Variants in SLC25A21 observed in about 807,000 individuals in gnomAD.
SLC25A21 encodes the protein mitochondrial 2-oxodicarboxylate carrier.
Under a neutral mutation model 43.8 loss-of-function variants are expected in SLC25A21, and 47 were observed. The ratio of observed to expected loss-of-function variants is 1.07; its 90% confidence interval spans 0.85 to 1.37. SLC25A21 has a LOEUF of 1.37. Among genes scored for constraint, SLC25A21 ranks in the 40% most tolerant of loss-of-function variants. The pLI is 0.00. For missense variants in SLC25A21, 352 were observed against 350.2 expected, an observed-to-expected ratio of 1.00 and a Z score of -0.04; for synonymous variants, 131 against 121.3, an observed-to-expected ratio of 1.08 and a Z score of -0.52.
chr14:36,832,718 T>C (rs966312492), intron 2 of SLC25A21, among the ~76,000 whole-genome samples: 4 of 152,222 alleles, frequency 2.6e-5, no homozygotes, highest in Non-Finnish European at 5.9e-5. Flanking sequence ...TTATTGCCTG[T>C]TTGCAGCTTT....
At chr14:36,789,878 A>G (rs1171108170) in intron 3 of SLC25A21, among the ~76,000 whole-genome samples, 1 of 115,122 alleles carries the variant, frequency 8.7e-6, no homozygotes, top group Non-Finnish European at 1.7e-5. Flanking sequence ...TATATTATAT[A>G]TTTATATAAA....
intron 1 of SLC25A21, among the ~76,000 whole-genome samples, chr14:37,060,384 A>G (rs1358389013): frequency 2.2e-4 from 27 of 122,336 alleles, no homozygotes; most frequent in Middle Eastern, 8.5e-3. Context: ...ACTCTCTAAT[A>G]ATAATAATAA....
intron 1 of SLC25A21, among the ~76,000 whole-genome samples, chr14:36,954,997 G>A (rs2138666746): frequency 6.6e-6 from 1 of 152,244 alleles, no homozygotes; most frequent in South Asian, 2.1e-4. Context: ...AAGGACATGA[G>A]CCACTTTCTA....
Position 36,824,802 on chromosome 14 carries a change from T to TAAAA in SLC25A21, c.120-10805_120-10802dup, listed in dbSNP as rs11386652. ...ACAGTGAAGTTTATCTCTGGAATCC[T>TAAAA]AAAAAAAAAAAAAAAAAAAAAGCCC... On this transcript the variant is annotated intron_variant, in intron 2 of 9. Coordinates refer to ENST00000331299, the MANE Select transcript of SLC25A21 (RefSeq NM_030631.4). Among the ~76,000 whole-genome samples the TAAAA allele has an allele frequency of 4.0e-3, 397 of 99,498 alleles. 6 individuals are homozygous for TAAAA. Among genetic ancestry groups the TAAAA allele is most frequent in the Middle Eastern group, 6.2e-3 (1 of 162 alleles). 65.3% of individuals were successfully genotyped at this position (99,498 alleles called of 152,430 possible).
intron 1 of SLC25A21, among the ~76,000 whole-genome samples, chr14:37,088,393 C>T (rs10220281): frequency 0.75 from 114,698 of 152,184 alleles, 48,310 homozygotes; most frequent in South Asian, 0.94. Flanking sequence ...TGCTAATTAA[C>T]TGGGCAGCAA....
chr14:36,781,142 C>T (rs1887044664), intron 3 of SLC25A21, among the ~76,000 whole-genome samples: 1 of 152,014 alleles, frequency 6.6e-6, no homozygotes, highest in African/African-American at 2.4e-5. Context: ...GATAGCCATC[C>T]CTGCTGTGTT....
intron 3 of SLC25A21, among the ~76,000 whole-genome samples, chr14:36,790,192 G>A (rs1348662819): frequency 1.3e-5 from 2 of 151,240 alleles, no homozygotes; most frequent in Admixed American, 1.3e-4. Flanking sequence ...TAGGATATAA[G>A]TATATTTACA....
chr14:37,161,962 CAAA>C (rs36029964), intron 1 of SLC25A21, among the ~76,000 whole-genome samples: 26,222 of 85,098 alleles, frequency 0.31, 1,482 homozygotes, highest in African/African-American at 0.37. Context: ...GACTCCGTCT[CAAA>C]AAAAAAAAAA....
intron 3 of SLC25A21, among the ~76,000 whole-genome samples, chr14:36,735,786 C>T (rs1885005596): frequency 6.7e-6 from 1 of 150,346 alleles, no homozygotes; most frequent in African/African-American, 2.5e-5. Flanking sequence ...GGGCAGCGCA[C>T]CCTTTGGGGT....
At chr14:36,796,348 A>AATTTATTTATTTATTTATTTATTT (rs555283170) in intron 3 of SLC25A21, among the ~76,000 whole-genome samples, 4 of 151,262 alleles carry the variant, frequency 2.6e-5, no homozygotes, top group African/African-American at 7.4e-5. Flanking sequence ...ACAGTATGGT[A>AATTTATTTATTTATTTATTTATTT]ATTTATTTAT....
intron 1 of SLC25A21, among the ~76,000 whole-genome samples, chr14:36,930,846 C>A (rs1055692063): frequency 1.2e-4 from 19 of 152,132 alleles, no homozygotes; most frequent in African/African-American, 4.3e-4. Context: ...CTAACTACAG[C>A]AACCTTCTTG....
intron 3 of SLC25A21, among the ~76,000 whole-genome samples, chr14:36,753,959 GAAAGAGAGAGAA>G (rs1885822159): frequency 7.3e-6 from 1 of 137,718 alleles, no homozygotes; most frequent in South Asian, 2.3e-4. Flanking sequence ...GAGAGAGAGA[GAAAGAGAGAGAA>G]AAAGCGAGCA....
At chr14:36,836,825 G>A (rs1024164469) in intron 2 of SLC25A21, among the ~76,000 whole-genome samples, 6 of 152,178 alleles carry the variant, frequency 3.9e-5, no homozygotes, top group African/African-American at 1.4e-4. Flanking sequence ...TTTCTTTTTG[G>A]TTTTGTTCTA....
intron 1 of SLC25A21, among the ~76,000 whole-genome samples, chr14:37,138,386 TA>T (rs2138916132): frequency 6.6e-6 from 1 of 152,294 alleles, no homozygotes; most frequent in South Asian, 2.1e-4. Context: ...TTATTTAAAC[TA>T]AGTTCCAAAA....
chr14:36,684,066 C>A (rs374656576), intron 8 of SLC25A21, among the ~76,000 whole-genome samples, 186 bp from the exon 9 acceptor site: 6 of 152,256 alleles, frequency 3.9e-5, no homozygotes, highest in African/African-American at 1.4e-4. Context: ...TTAATGAATT[C>A]TTTATTACCC....
chr14:36,977,269 T>A (rs1006434243), intron 1 of SLC25A21, among the ~76,000 whole-genome samples: 1 of 152,192 alleles, frequency 6.6e-6, no homozygotes, highest in Non-Finnish European at 1.5e-5. Context: ...CCTTTTTCTA[T>A]GAACACTTCC....
chr14:36,871,917 CACAT>C (rs1890384825), intron 2 of SLC25A21, among the ~76,000 whole-genome samples: 1 of 151,920 alleles, frequency 6.6e-6, no homozygotes, highest in African/African-American at 2.4e-5. Context: ...GAAAAATTAC[CACAT>C]TCAGAAATAA....
intron 3 of SLC25A21, among the ~76,000 whole-genome samples, chr14:36,765,250 G>A (rs138485494): frequency 5.3e-5 from 8 of 152,352 alleles, no homozygotes; most frequent in African/African-American, 9.6e-5. Flanking sequence ...ACTTCATGTG[G>A]AGAGAGCGAA....
At chr14:36,723,214 A>C (rs2139208298) in intron 6 of SLC25A21, among the ~76,000 whole-genome samples, 1 of 152,316 alleles carries the variant, frequency 6.6e-6, no homozygotes, top group Admixed American at 6.5e-5. Flanking sequence ...TCTTTTTCTC[A>C]GACATTTTCT....
Sources: allele counts gnomAD v4.1 joint callset (sites outside exome capture counted in the v4.1 genomes callset), GRCh38; gene constraint gnomAD v4.1.1; transcripts MANE v1.5; gene names NCBI Gene and HGNC (gene_info 2026-07-23, HGNC 2026-07-21).